The following TSC22D1 variants were observed in gnomAD, a reference collection of about 807,000 sequenced individuals.
The protein encoded by TSC22D1 is TSC22 domain family member 1, also known as TSC22 domain family protein 1.
A neutral mutation model predicts 74.2 loss-of-function variants in TSC22D1; 9 were observed. The observed-to-expected ratio is 0.12, with a 90% confidence interval of 0.07 to 0.21. TSC22D1 has a LOEUF of 0.21. TSC22D1 is among the 10% of genes least tolerant of loss of function. TSC22D1 has a pLI of 1.00. For missense variants in TSC22D1, 1,427 were observed against 1,304.7 expected (o/e 1.09, Z -1.44); for synonymous variants, 586 against 492.5 (o/e 1.19, Z -2.51).
At chr13:44,484,475 G>A (rs1379193262) in intron 1 of TSC22D1, among the ~76,000 whole-genome samples, 1 of 152,186 alleles carries the variant, frequency 6.6e-6, no homozygotes, top group Non-Finnish European at 1.5e-5. Context: ...GTCTCTGAAT[G>A]TGAGCACAGA....
intron 1 of TSC22D1, among the ~76,000 whole-genome samples, chr13:44,455,783 C>T (rs574113084): frequency 2.9e-4 from 44 of 152,304 alleles, no homozygotes; most frequent in African/African-American, 1.0e-3. Flanking sequence ...ACCGAACACA[C>T]TCATTTATCT....
At chr13:44,511,979 C>G (rs1183891110) in intron 1 of TSC22D1, among the ~76,000 whole-genome samples, 1 of 152,110 alleles carries the variant, frequency 6.6e-6, no homozygotes, top group Non-Finnish European at 1.5e-5. Flanking sequence ...TTCTGCTTTT[C>G]TCATTCTCAT....
At chr13:44,495,295 G>GAAA (rs34584059) in intron 1 of TSC22D1, among the ~76,000 whole-genome samples, 3 of 90,490 alleles carry the variant, frequency 3.3e-5, no homozygotes, top group Non-Finnish European at 7.0e-5. Context: ...AAATGCTAAG[G>GAAA]AAAAAAAAAA....
At chr13:44,543,368 A>C (rs1881600292) in intron 1 of TSC22D1, among the ~76,000 whole-genome samples, 1 of 152,240 alleles carries the variant, frequency 6.6e-6, no homozygotes, top group Admixed American at 6.5e-5. Flanking sequence ...ATTTCTACTC[A>C]AATGTGCTAC....
chr13:44,458,761 C>A (rs1474882518), intron 1 of TSC22D1, among the ~76,000 whole-genome samples: 1 of 152,144 alleles, frequency 6.6e-6, no homozygotes, highest in Non-Finnish European at 1.5e-5. Context: ...TGGGCGCTGT[C>A]CGACCAGGTG....
chr13:44,574,633 G>A lies in TSC22D1; in HGVS notation c.1442C>T (p.Thr481Ile). The change falls in exon 1 of 3, where the codon ACA becomes ATA. Residue 481 changes from threonine (T) to isoleucine (I), a missense_variant. By Grantham distance (89) the Thr-to-Ile change is moderately conservative. Coordinates refer to ENST00000458659, the MANE Select transcript of TSC22D1 (RefSeq NM_183422.4). Reference sequence around the variant, plus strand: ...CATCTCTCCACTTCCCACACTCTCTGTATAGTGACTCAGTGTGCTGACACT... The same window carrying A: ...CATCTCTCCACTTCCCACACTCTCTATATAGTGACTCAGTGTGCTGACACT... ...SSSVSTLSHY[T>I]ESVGSGEMGA... 6.2e-7 allele frequency: 1 copy of A among 1,614,036 alleles called. No individual in the cohort carries two copies. The highest frequency in any genetic ancestry group is 8.5e-7 in the Non-Finnish European group (1 of 1,180,022).
intron 1 of TSC22D1, among the ~76,000 whole-genome samples, chr13:44,511,446 A>G (rs1426597023): frequency 6.6e-6 from 1 of 152,240 alleles, no homozygotes; most frequent in African/African-American, 2.4e-5. Flanking sequence ...GTCATAAAAC[A>G]TCCACCCAGC....
At chr13:44,544,386 G>C (rs898967654) in intron 1 of TSC22D1, among the ~76,000 whole-genome samples, 17 of 151,230 alleles carry the variant, frequency 1.1e-4, no homozygotes, top group Admixed American at 6.6e-5. Context: ...AAGTTCTTCG[G>C]AATTAGTTAA....
In TSC22D1 at chr13:44,434,564, AG is replaced by A; in HGVS notation, c.*61del. 6.7e-7 allele frequency: 1 copy of A among 1,491,350 alleles called. No individual in the cohort carries two copies. The highest frequency in any genetic ancestry group is 2.5e-5 in the Admixed American group (1 of 40,342). The allele number at this position is 1,491,350 out of a possible 1,614,324, so 92.4% of individuals were successfully genotyped here. On this transcript the variant is annotated 3_prime_UTR_variant, in exon 3 of 3. Coordinates refer to ENST00000458659, the MANE Select transcript of TSC22D1 (RefSeq NM_183422.4). ...GTGACTGTGGAGGCAGATTCTCCCTAGCACATCTTCTCCGTCTGTTCAGTTC... is the reference window on the plus strand; with the variant it reads ...GTGACTGTGGAGGCAGATTCTCCCTACACATCTTCTCCGTCTGTTCAGTTC...
chr13:44,485,646 A>C (rs1337396774), intron 1 of TSC22D1, among the ~76,000 whole-genome samples: 1 of 152,276 alleles, frequency 6.6e-6, no homozygotes, highest in Non-Finnish European at 1.5e-5. Flanking sequence ...GTTTACCACC[A>C]TTTGACATTC....
chr13:44,540,348 A>C (rs749056991), intron 1 of TSC22D1, among the ~76,000 whole-genome samples: 1 of 152,306 alleles, frequency 6.6e-6, no homozygotes, highest in South Asian at 2.1e-4. Flanking sequence ...GAAAAAACCA[A>C]GTATATTAAC....
In TSC22D1 at chr13:44,502,661, TTTGACAGATGAGGAAACTG is replaced by T. The variant is rs555653643; in HGVS notation, c.2913-66585_2913-66567del. On this transcript the variant is annotated intron_variant, in intron 1 of 2. Transcript: ENST00000458659. ...TGGGTAGGTTATATTATCGTCACCATTTGACAGATGAGGAAACTGTTGACAGATGAGGAAACTGTGCCCC... is the reference window on the plus strand; with the variant it reads ...TGGGTAGGTTATATTATCGTCACCATTTGACAGATGAGGAAACTGTGCCCC... Among the ~76,000 whole-genome samples, 158 of 152,276 alleles carry T rather than the reference TTTGACAGATGAGGAAACTG, an allele frequency of 1.0e-3. 2 individuals are homozygous for T. The South Asian group carries it at 0.015, about 15-fold the overall frequency.
intron 1 of TSC22D1, among the ~76,000 whole-genome samples, chr13:44,470,893 A>C (rs1241165224): frequency 6.6e-6 from 1 of 152,208 alleles, no homozygotes. Flanking sequence ...TATTCCCTCC[A>C]CACTACTGTT....
intron 1 of TSC22D1, among the ~76,000 whole-genome samples, chr13:44,479,692 C>A (rs1436371893): frequency 6.6e-6 from 1 of 152,144 alleles, no homozygotes; most frequent in Non-Finnish European, 1.5e-5. Flanking sequence ...TACTGGCCAC[C>A]AAATGAGACA....
At chr13:44,509,950 C>CAAAAAAAAAAAAAAAAAAAAAAGAA in intron 1 of TSC22D1, among the ~76,000 whole-genome samples, 7 of 51,426 alleles carry the variant, frequency 1.4e-4, no homozygotes, top group African/African-American at 5.3e-4. Context: ...AGAAAATAAG[C>CAAAAAAAAAAAAAAAAAAAAAAGAA]AAAAAAAAAA....
Position 44,456,733 on chromosome 13 carries a change from G to C in TSC22D1, c.2913-20638C>G, listed in dbSNP as rs112652768. Among the ~76,000 whole-genome samples the C allele has an allele frequency of 1.3e-3, 204 of 152,286 alleles. 1 individual carries two copies. The highest frequency in any genetic ancestry group is 4.5e-3 in the African/African-American group (188 of 41,558). ...GAGGAGGACAACATTCAGAACACTA[G>C]AAAGAGCTCTTGGAAACTGAAAAAT... is the stretch of plus-strand genomic sequence containing the variant. On this transcript the variant is annotated intron_variant, in intron 1 of 2. Transcript: ENST00000458659.
intron 1 of TSC22D1, among the ~76,000 whole-genome samples, chr13:44,517,827 G>GTGTGTGTA (rs1880095828): frequency 4.1e-5 from 1 of 24,628 alleles, no homozygotes; most frequent in Non-Finnish European, 7.8e-5. Flanking sequence ...GTGTGTGTGT[G>GTGTGTGTA]TGTATATATA....
intron 1 of TSC22D1, chr13:44,539,874 G>GT: frequency 3.1e-6 from 4 of 1,289,714 alleles, no homozygotes; most frequent in Non-Finnish European, 4.0e-6. Flanking sequence ...GGTCTTGGCT[G>GT]TATCTGTGGT....
intron 1 of TSC22D1, among the ~76,000 whole-genome samples, chr13:44,550,449 G>A (rs1200576963): frequency 6.6e-6 from 1 of 151,976 alleles, no homozygotes; most frequent in Admixed American, 6.6e-5. Context: ...AGGTGTGGTG[G>A]CGCATGCCTG....
Sources: gnomAD v4.1 joint callset for allele counts (sites outside exome capture counted in the v4.1 genomes callset) on GRCh38, gnomAD v4.1.1 for gene constraint, MANE v1.5 for transcripts, NCBI Gene and HGNC (gene_info 2026-07-23, HGNC 2026-07-21) for gene names.